Variants in STX18 observed in about 807,000 individuals in gnomAD.
STX18 encodes syntaxin-18.
Under a neutral mutation model 50.1 loss-of-function variants are expected in STX18, and 40 were observed. The ratio of observed to expected loss-of-function variants is 0.80; its 90% CI spans 0.62 to 1.04. The LOEUF is 1.04. Among genes scored for constraint, STX18 ranks in the 50% least tolerant of loss-of-function variants. The pLI is 0.00. For missense variants in STX18, 410 were observed against 415.8 expected, an observed-to-expected ratio of 0.99 and a Z score of 0.12; for synonymous variants, 158 against 151.8, an observed-to-expected ratio of 1.04 and a Z score of -0.30.
Position 4,420,811 on chromosome 4 carries a change from C to G in STX18, c.912+53G>C. 5.9e-6 allele frequency: 9 copies of G among 1,517,838 alleles called. No individual in the cohort carries two copies. The South Asian group carries it at 1.0e-4, about 17-fold the overall frequency. 94.0% of individuals were successfully genotyped at this position (1,517,838 alleles called of 1,614,324 possible). A position where few individuals can be genotyped will look rare whatever the true frequency, so the allele number is the denominator to read the frequency against. On this transcript the variant is annotated intron_variant, in intron 10 of 10. Transcript: ENST00000306200. The surrounding 1 kb of genome is among the most constrained non-coding windows in gnomAD (Gnocchi z 4.3). ...GTGCCGGCGAGACTAACACCCGCTGCTGGGACTCAGTGCTGCGCCACGTCG... is the reference window on the plus strand; with the variant it reads ...GTGCCGGCGAGACTAACACCCGCTGGTGGGACTCAGTGCTGCGCCACGTCG...
chr4:4,422,569 C>CA lies in STX18; in HGVS notation c.831+948dup, dbSNP rs59060926. On this transcript the variant is annotated intron_variant, in intron 9 of 10. Transcript: ENST00000306200. ...GGGCGACACAGCAAGACTCTGTCTC[C>CA]AAAAAAAAAAAAAAGAAAAAGAAAA... Among the ~76,000 whole-genome samples, 253 of 107,438 alleles carry CA rather than the reference C, an allele frequency of 2.4e-3. 1 individual carries two copies. The highest frequency in any genetic ancestry group is 0.023 in the South Asian group (69 of 2,942). 70.5% of individuals were successfully genotyped at this position (107,438 alleles called of 152,430 possible). A position where few individuals can be genotyped will look rare whatever the true frequency, so the allele number is the denominator to read the frequency against.
At chr4:4,428,517 A>G (rs1373962818) in intron 7 of STX18, among the ~76,000 whole-genome samples, 2 of 152,224 alleles carry the variant, frequency 1.3e-5, no homozygotes, top group Non-Finnish European at 2.9e-5. Flanking sequence ...CATGGCATAT[A>G]GTAAGCTCTC....
chr4:4,424,441 G>A lies in STX18; in HGVS notation c.761+723C>T, dbSNP rs376829297. Among the ~76,000 whole-genome samples, 7 of 152,142 alleles carry A rather than the reference G, an allele frequency of 4.6e-5. No individual in the cohort carries two copies. In the East Asian group the frequency reaches 7.7e-4, roughly 17 times the overall value. ...GAGTATCTGGGCATGGGGGAGTAGC[G>A]GGGTGGGGGCGGTAGTGGGGCAGAC... On this transcript the variant is annotated intron_variant, in intron 8 of 10. Coordinates refer to ENST00000306200, the MANE Select transcript of STX18 (RefSeq NM_016930.4).
intron 7 of STX18, among the ~76,000 whole-genome samples, chr4:4,432,607 A>G (rs1457578926): frequency 6.6e-6 from 1 of 152,214 alleles, no homozygotes; most frequent in Non-Finnish European, 1.5e-5. Context: ...TTTTTTGCCC[A>G]TCTCACAGAT....
At chr4:4,434,974 A>T in intron 6 of STX18, 116 bp from the exon 7 acceptor site, 1 of 686,758 alleles carries the variant, frequency 1.5e-6, no homozygotes, top group Non-Finnish European at 2.4e-6. Flanking sequence ...CTTTGTCTAT[A>T]TATTTCATGA....
chr4:4,535,137 C>G (rs1731271955), intron 1 of STX18, among the ~76,000 whole-genome samples: 1 of 152,190 alleles, frequency 6.6e-6, no homozygotes, highest in African/African-American at 2.4e-5. Context: ...GTTTGATGAT[C>G]ACTTTGAGGT....
chr4:4,495,544 G>C (rs1007150424), intron 1 of STX18, among the ~76,000 whole-genome samples: 1 of 148,444 alleles, frequency 6.7e-6, no homozygotes, highest in Admixed American at 6.8e-5. Context: ...ACGCGTGTCT[G>C]GCTAATTTTT....
At chr4:4,478,841 G>C (rs983657868) in intron 1 of STX18, 9 of 152,440 alleles carry the variant, frequency 5.9e-5, no homozygotes, top group Non-Finnish European at 1.2e-4. Context: ...CCTCTTTTCA[G>C]ATCGACCAGC....
intron 1 of STX18, among the ~76,000 whole-genome samples, chr4:4,539,935 C>T (rs1449334222): frequency 6.6e-6 from 1 of 152,132 alleles, no homozygotes; most frequent in Non-Finnish European, 1.5e-5. Flanking sequence ...TCAAAATTAG[C>T]ACAGTGTTAA....
chr4:4,483,114 G>A (rs79453226), intron 1 of STX18, among the ~76,000 whole-genome samples: 5 of 152,076 alleles, frequency 3.3e-5, no homozygotes, highest in African/African-American at 9.7e-5. Context: ...TGGTTAACAG[G>A]GGGGCATGGG....
chr4:4,536,899 C>A (rs1282370172), intron 1 of STX18, among the ~76,000 whole-genome samples: 2 of 152,186 alleles, frequency 1.3e-5, no homozygotes, highest in Non-Finnish European at 2.9e-5. Context: ...TCAAAGTGTC[C>A]TTATTCTACA....
chr4:4,446,710 T>C (rs1726425713), intron 5 of STX18, among the ~76,000 whole-genome samples: 1 of 152,248 alleles, frequency 6.6e-6, no homozygotes, highest in Non-Finnish European at 1.5e-5. Context: ...GTGTGTCAAA[T>C]GGTGTTATCA....
intron 1 of STX18, among the ~76,000 whole-genome samples, chr4:4,492,713 A>C (rs972640706): frequency 1.3e-5 from 2 of 152,170 alleles, no homozygotes; most frequent in Non-Finnish European, 2.9e-5. Flanking sequence ...GCTTATCACC[A>C]TATGACTAAG....
chr4:4,461,830 C>T, intron 2 of STX18: 1 of 455,764 alleles, frequency 2.2e-6, no homozygotes, highest in South Asian at 1.6e-5. Context: ...CCAGAGCCTC[C>T]TCCCTCTGGC....
intron 2 of STX18, among the ~76,000 whole-genome samples, chr4:4,461,257 C>T (rs1011420615): frequency 1.3e-5 from 2 of 152,090 alleles, no homozygotes; most frequent in Non-Finnish European, 2.9e-5. Context: ...TATGGTTATT[C>T]TATTAGTAAG....
chr4:4,452,842 G>A (rs955161306), intron 5 of STX18, among the ~76,000 whole-genome samples: 2 of 152,210 alleles, frequency 1.3e-5, no homozygotes, highest in African/African-American at 2.4e-5. Flanking sequence ...ATTCATGGGA[G>A]GAGGTCAAAA....
chr4:4,536,869 C>A (rs574462822), intron 1 of STX18, among the ~76,000 whole-genome samples: 1 of 152,218 alleles, frequency 6.6e-6, no homozygotes, highest in Non-Finnish European at 1.5e-5. Flanking sequence ...AATTCAGGAT[C>A]ATTATTACCT....
At chr4:4,422,569 CAAAAAAAAAAAAAAGAAAAA>C (rs1367920219) in intron 9 of STX18, among the ~76,000 whole-genome samples, 1 of 107,668 alleles carries the variant, frequency 9.3e-6, no homozygotes, top group African/African-American at 2.9e-5. Context: ...ACTCTGTCTC[CAAAAAAAAAAAAAAGAAAAA>C]GAAAAAAAAA....
intron 5 of STX18, among the ~76,000 whole-genome samples, chr4:4,443,817 G>A (rs1726246949): frequency 6.6e-6 from 1 of 152,124 alleles, no homozygotes; most frequent in South Asian, 2.1e-4. Flanking sequence ...TGTAGAAAAA[G>A]CATTTGAAAA....
Sources: allele counts gnomAD v4.1 joint callset (sites outside exome capture counted in the v4.1 genomes callset), GRCh38; gene constraint gnomAD v4.1.1; non-coding constraint Gnocchi (gnomAD v3.1); transcripts MANE v1.5; gene names NCBI Gene and HGNC (gene_info 2026-07-23, HGNC 2026-07-21).